Variants in AEBP2 observed in about 807,000 individuals in gnomAD.
AEBP2 encodes AE binding protein 2.
A neutral mutation model predicts 50.8 loss-of-function variants in AEBP2; 10 were observed. The observed-to-expected ratio is 0.20, with a 90% CI of 0.12 to 0.33. The LOEUF is 0.33. Among genes scored for constraint, AEBP2 ranks in the 10% least tolerant of loss-of-function variants. The pLI, the probability that AEBP2 is intolerant of heterozygous loss-of-function variation, is 1.00. For missense variants in AEBP2, 570 were observed against 688.0 expected (o/e 0.83, Z 1.92); for synonymous variants, 296 against 261.3 (o/e 1.13, Z -1.28).
intron 1 of AEBP2, among the ~76,000 whole-genome samples, chr12:19,404,592 A>G (rs961515588): frequency 6.6e-6 from 1 of 152,152 alleles, no homozygotes; most frequent in African/African-American, 2.4e-5. Context: ...GCACGCTAAC[A>G]CCGGCTCCTA....
At chr12:19,446,593 G>A (rs1391941268) in intron 1 of AEBP2, among the ~76,000 whole-genome samples, 2 of 152,088 alleles carry the variant, frequency 1.3e-5, no homozygotes, top group Non-Finnish European at 2.9e-5. Context: ...TTAGCTGGGC[G>A]TGGTGGCGGG....
chr12:19,465,699 G>A (rs1325880878), intron 2 of AEBP2, among the ~76,000 whole-genome samples: 1 of 151,780 alleles, frequency 6.6e-6, no homozygotes, highest in Non-Finnish European at 1.5e-5. Flanking sequence ...GATAAAATAT[G>A]AATGAGAGTT....
intron 1 of AEBP2, among the ~76,000 whole-genome samples, chr12:19,445,569 CT>C (rs1442553363): frequency 6.6e-6 from 1 of 152,138 alleles, no homozygotes; most frequent in Non-Finnish European, 1.5e-5. Context: ...AAACAAAACC[CT>C]TACCTCATGA....
intron 1 of AEBP2, among the ~76,000 whole-genome samples, chr12:19,426,997 C>T (rs140200502): frequency 2.8e-4 from 43 of 152,314 alleles, no homozygotes; most frequent in Non-Finnish European, 5.4e-4. Flanking sequence ...TAAAGATCTA[C>T]ACTCATAAAT....
At chr12:19,459,231 C>CT (rs1230266076) in intron 1 of AEBP2, among the ~76,000 whole-genome samples, 5 of 151,308 alleles carry the variant, frequency 3.3e-5, no homozygotes, top group South Asian at 4.2e-4. Flanking sequence ...CTTGAAATTT[C>CT]TTTTTTTTTC....
intron 4 of AEBP2, among the ~76,000 whole-genome samples, chr12:19,496,141 A>G (rs1165132478): frequency 6.6e-6 from 1 of 152,130 alleles, no homozygotes; most frequent in African/African-American, 2.4e-5. Context: ...ACTTGGAAAT[A>G]TCTATGCAAT....
intron 1 of AEBP2, among the ~76,000 whole-genome samples, chr12:19,431,782 A>T (rs1283057952): frequency 6.6e-6 from 1 of 152,190 alleles, no homozygotes; most frequent in South Asian, 2.1e-4. Flanking sequence ...GTAAGATGTT[A>T]TCTCTTTTTA....
intron 3 of AEBP2, 126 bp downstream of exon 3, chr12:19,473,481 C>A (rs111300654): frequency 3.6e-5 from 10 of 275,744 alleles, no homozygotes; most frequent in African/African-American, 1.8e-4. Flanking sequence ...TCTTGGCTCC[C>A]TGCAGCCTCC....
At position 19,518,439 on chromosome 12, in the gene AEBP2, T is replaced by C. The variant is rs1468619694; in HGVS notation, c.*322T>C. 3 of 1,123,840 alleles carry C rather than the reference T, an allele frequency of 2.7e-6. No individual in the cohort carries two copies. Among genetic ancestry groups the C allele is most frequent in the Non-Finnish European group, 3.3e-6 (3 of 906,726 alleles). The allele number at this position is 1,123,840 out of a possible 1,614,324, so 69.6% of individuals were successfully genotyped here. ...TTGCATGCTTGCTGCTTTAAGCTGC[T>C]TTTTTTTTTCTTTTCTTCCCTTTAG... is the stretch of plus-strand genomic sequence containing the variant. On this transcript the variant is annotated 3_prime_UTR_variant, in exon 8 of 8. Coordinates refer to ENST00000266508, the MANE Select transcript of AEBP2 (RefSeq NM_153207.5).
At chr12:19,501,997 AG>A (rs1246064264) in intron 5 of AEBP2, among the ~76,000 whole-genome samples, 1 of 152,068 alleles carries the variant, frequency 6.6e-6, no homozygotes, top group Non-Finnish European at 1.5e-5. Context: ...ATTATATGGG[AG>A]GTTTTGCATA....
Position 19,514,677 on chromosome 12 carries a change from T to G in AEBP2, c.1374T>G (p.Pro458=), listed in dbSNP as rs751980865. Residue 458 remains proline (P), a synonymous_variant, in exon 7 of 8, where the codon CCT becomes CCG. Transcript: ENST00000266508. ...LLHWMPEDIL[P]DVWVNESERH... is the part of the protein sequence containing the mutation. ...CTTGTTTTTTAATTCATAGTCTGCC[T>G]GATGTGTGGGTGAATGAAAGTGAAC... 1.2e-6 allele frequency: 2 copies of G among 1,602,854 alleles called. No individual in the cohort carries two copies. The highest frequency in any genetic ancestry group is 1.7e-6 in the Non-Finnish European group (2 of 1,174,394).
At chr12:19,421,142 C>T (rs1592705985) in intron 1 of AEBP2, among the ~76,000 whole-genome samples, 2 of 151,970 alleles carry the variant, frequency 1.3e-5, no homozygotes, top group East Asian at 1.9e-4. Flanking sequence ...GTCAGGAGTT[C>T]GAGACCAGCC....
At chr12:19,480,233 A>C (rs1332653274) in intron 3 of AEBP2, among the ~76,000 whole-genome samples, 1 of 152,084 alleles carries the variant, frequency 6.6e-6, no homozygotes, top group Non-Finnish European at 1.5e-5. Context: ...CCTCCCAAGT[A>C]GCTGGGATTA....
chr12:19,465,236 A>T (rs914313177), intron 2 of AEBP2, among the ~76,000 whole-genome samples: 1 of 151,896 alleles, frequency 6.6e-6, no homozygotes, highest in Non-Finnish European at 1.5e-5. Context: ...CTACTAAAAA[A>T]TACAAAAATT....
chr12:19,444,160 AT>A (rs960892476), intron 1 of AEBP2, among the ~76,000 whole-genome samples: 1 of 152,152 alleles, frequency 6.6e-6, no homozygotes, highest in Non-Finnish European at 1.5e-5. Context: ...TTTAAAAAAA[AT>A]TTAAAAAATT....
intron 1 of AEBP2, among the ~76,000 whole-genome samples, chr12:19,442,854 T>C (rs181747273): frequency 9.1e-4 from 138 of 152,286 alleles, no homozygotes; most frequent in Non-Finnish European, 1.5e-3. Flanking sequence ...CTAATTCTTA[T>C]AAATTACTGT....
At chr12:19,471,823 A>G (rs563915483) in intron 2 of AEBP2, among the ~76,000 whole-genome samples, 25 of 152,162 alleles carry the variant, frequency 1.6e-4, no homozygotes, top group South Asian at 6.2e-4. Context: ...GAGCCACCAC[A>G]TCGGGTGCAT....
chr12:19,474,214 T>C (rs1368313826), intron 3 of AEBP2, among the ~76,000 whole-genome samples: 3 of 152,206 alleles, frequency 2.0e-5, no homozygotes, highest in Admixed American at 2.0e-4. Context: ...CATTTATCTT[T>C]ATGAAAAATT....
intron 1 of AEBP2, chr12:19,413,342 T>C (rs1315945251): frequency 2.8e-6 from 3 of 1,089,830 alleles, no homozygotes; most frequent in East Asian, 2.4e-5. Flanking sequence ...ACTGAGAAGG[T>C]GTCAGAACAA....
Sources: allele counts gnomAD v4.1 joint callset (sites outside exome capture counted in the v4.1 genomes callset), GRCh38; gene constraint gnomAD v4.1.1; transcripts MANE v1.5; gene names NCBI Gene and HGNC (gene_info 2026-07-23, HGNC 2026-07-21).